Variants in SLC20A2 observed in about 807,000 individuals in gnomAD.
The protein encoded by SLC20A2 is solute carrier family 20 member 2.
SLC20A2 carries 30 observed loss-of-function variants against 61.0 expected under a neutral mutation model. The ratio of observed to expected loss-of-function variants is 0.49; its 90% CI spans 0.37 to 0.67. The LOEUF is 0.67. SLC20A2 is among the 30% of genes least tolerant of loss of function. SLC20A2 has a pLI of 0.00. For missense variants in SLC20A2, 626 were observed against 866.4 expected, an observed-to-expected ratio of 0.72 and a Z score of 3.48; for synonymous variants, 351 against 353.3, an observed-to-expected ratio of 0.99 and a Z score of 0.07.
chr8:42,421,911 G>A (rs953231966), intron 10 of SLC20A2, among the ~76,000 whole-genome samples: 1 of 151,590 alleles, frequency 6.6e-6, no homozygotes, highest in Non-Finnish European at 1.5e-5. Context: ...TACTGAAGCT[G>A]CCTATATACC....
intron 1 of SLC20A2, among the ~76,000 whole-genome samples, chr8:42,489,103 C>A (rs915567067): frequency 2.0e-5 from 3 of 151,970 alleles, no homozygotes; most frequent in African/African-American, 7.3e-5. Context: ...CCACGCCCAG[C>A]TAATTTTGTA....
intron 1 of SLC20A2, among the ~76,000 whole-genome samples, chr8:42,508,978 G>A (rs577386869): frequency 6.6e-6 from 1 of 152,228 alleles, no homozygotes; most frequent in East Asian, 1.9e-4. Context: ...TAGTTGTCTT[G>A]GGCAATTACT....
chr8:42,473,781 A>T (rs1807840873), intron 1 of SLC20A2, among the ~76,000 whole-genome samples: 1 of 152,202 alleles, frequency 6.6e-6, no homozygotes, highest in African/African-American at 2.4e-5. Context: ...ACCACACCAT[A>T]TACAATATAA....
chr8:42,516,406 G>A (rs1811323987), intron 1 of SLC20A2, among the ~76,000 whole-genome samples: 1 of 152,176 alleles, frequency 6.6e-6, no homozygotes, highest in African/African-American at 2.4e-5. Context: ...AAGAACTTCT[G>A]AAGTCCTGTT....
chr8:42,512,014 G>C (rs1405845199), intron 1 of SLC20A2, among the ~76,000 whole-genome samples: 3 of 152,102 alleles, frequency 2.0e-5, no homozygotes, highest in Non-Finnish European at 4.4e-5. Flanking sequence ...TAATACAGGG[G>C]GATGGTTCGC....
chr8:42,540,640 T>G (rs1303592153), intron 1 of SLC20A2, among the ~76,000 whole-genome samples: 1 of 152,232 alleles, frequency 6.6e-6, no homozygotes, highest in African/African-American at 2.4e-5. Flanking sequence ...GAAAACTTGT[T>G]AAGAAGTGTT....
intron 1 of SLC20A2, among the ~76,000 whole-genome samples, chr8:42,516,504 C>G (rs1811330588): frequency 6.6e-6 from 1 of 152,182 alleles, no homozygotes. Context: ...GGCAGCGCAT[C>G]CTATTGCTGG....
At position 42,486,140 on chromosome 8, in the gene SLC20A2, C is replaced by CTGTGTG. The variant is rs59925363; in HGVS notation, c.-264-13492_-264-13487dup. ...AATTATCTTTAGCAGAGCTCTCTCA[C>CTGTGTG]TGTGTGTGTGTGTGTGTGTGTGTGT... On this transcript the variant is annotated intron_variant, in intron 1 of 10. Transcript: ENST00000520262. Among the ~76,000 whole-genome samples, 575 of 149,028 alleles carry CTGTGTG rather than the reference C, an allele frequency of 3.9e-3. 3 individuals carry two copies. The highest frequency in any genetic ancestry group is 3.2e-3 in the African/African-American group (131 of 40,950).
At chr8:42,484,158 G>T (rs139079436) in intron 1 of SLC20A2, among the ~76,000 whole-genome samples, 86 of 152,324 alleles carry the variant, frequency 5.6e-4, no homozygotes, top group Non-Finnish European at 1.1e-3. Flanking sequence ...GAGGACAAAT[G>T]ATTATTAAGT....
At chr8:42,520,478 G>A (rs972210396) in intron 1 of SLC20A2, among the ~76,000 whole-genome samples, 2 of 60,530 alleles carry the variant, frequency 3.3e-5, no homozygotes, top group African/African-American at 6.7e-5. Flanking sequence ...TGTAATCCCA[G>A]CACTTTGGGA....
At chr8:42,438,708 TTTTTC>T (rs372842962) in intron 7 of SLC20A2, among the ~76,000 whole-genome samples, 88 of 151,662 alleles carry the variant, frequency 5.8e-4, no homozygotes, top group East Asian at 1.6e-3. Flanking sequence ...TGGTCTGGAT[TTTTTC>T]TTTTCTTTTC....
intron 1 of SLC20A2, among the ~76,000 whole-genome samples, chr8:42,532,796 C>T (rs557669439): frequency 9.9e-4 from 150 of 152,156 alleles, no homozygotes; most frequent in African/African-American, 3.1e-3. Context: ...CAGGACTGAC[C>T]GGGCTGAGTG....
chr8:42,535,819 G>A (rs1044118253), intron 1 of SLC20A2, among the ~76,000 whole-genome samples: 12 of 152,166 alleles, frequency 7.9e-5, no homozygotes, highest in African/African-American at 2.4e-4. Flanking sequence ...CCAAATTTGC[G>A]TCTCAGGAGT....
In SLC20A2 at chr8:42,455,257, TAGAGAG is replaced by T. The variant is rs71548583; in HGVS notation, c.613+4633_613+4638del. ...AAAAAAAAAAATATATATATATATA[TAGAGAG>T]AGAGAGAGAGAGAGAGAGAGAGAGA... On this transcript the variant is annotated intron_variant, in intron 5 of 10. Transcript: ENST00000520262. Among the ~76,000 whole-genome samples the T allele has an allele frequency of 4.4e-3, 362 of 81,570 alleles. 2 individuals are homozygous for T. The highest frequency in any genetic ancestry group is 6.5e-3 in the Admixed American group (34 of 5,224). The allele number at this position is 81,570 out of a possible 152,430, so 53.5% of individuals were successfully genotyped here. A position where few individuals can be genotyped will look rare whatever the true frequency, so the allele number is the denominator to read the frequency against.
chr8:42,514,693 G>A (rs1811222838), intron 1 of SLC20A2, among the ~76,000 whole-genome samples: 3 of 151,742 alleles, frequency 2.0e-5, no homozygotes, highest in African/African-American at 2.4e-5. Context: ...AGGAGGTAGA[G>A]GTTGCAGTGA....
At position 42,472,450 on chromosome 8, in the gene SLC20A2, T is replaced by G. The variant is rs1807718771; in HGVS notation, c.-60A>C. The G allele has an allele frequency of 6.6e-7, 1 of 1,521,888 alleles. No individual in the cohort carries two copies. The highest frequency in any genetic ancestry group is 1.4e-5 in the African/African-American group (1 of 72,262). 94.3% of individuals were successfully genotyped at this position (1,521,888 alleles called of 1,614,324 possible). ...AGGAATATTTTAAATAAACAAAGCT[T>G]GAGGTTATAAACTTCGTAAGGCCAA... On this transcript the variant is annotated 5_prime_UTR_variant, in exon 2 of 11. Coordinates refer to ENST00000520262, the MANE Select transcript of SLC20A2 (RefSeq NM_001257180.2). The surrounding 1 kb of genome is among the most constrained non-coding windows in gnomAD (Gnocchi z 4.1).
chr8:42,468,259 A>G (rs936880889), intron 2 of SLC20A2, among the ~76,000 whole-genome samples: 8 of 152,302 alleles, frequency 5.3e-5, no homozygotes, highest in Non-Finnish European at 1.2e-4. Context: ...AACCCACCCA[A>G]TTGAATTCAG....
intron 1 of SLC20A2, among the ~76,000 whole-genome samples, chr8:42,479,755 G>A (rs1223255897): frequency 1.3e-5 from 2 of 152,108 alleles, no homozygotes; most frequent in African/African-American, 4.8e-5. Context: ...AACCTGGGAG[G>A]CAGAGGTTGC....
rs191015099 is a variant in SLC20A2, at chr8:42,532,810, C to T, written c.-265+9011G>A. Among the ~76,000 whole-genome samples the T allele has an allele frequency of 3.9e-5, 6 of 152,210 alleles. No individual in the cohort carries two copies. The East Asian group carries it at 7.7e-4, about 20-fold the overall frequency. On this transcript the variant is annotated intron_variant, in intron 1 of 10. Transcript: ENST00000342228. ...GCAGGACTGACCGGGCTGAGTGGAA[C>T]GTAAGTGGACCACAGGCGAGGGTGA...
Sources: gnomAD v4.1 joint callset for allele counts (sites outside exome capture counted in the v4.1 genomes callset) on GRCh38, gnomAD v4.1.1 for gene constraint, Gnocchi (gnomAD v3.1) non-coding constraint, MANE v1.5 for transcripts, NCBI Gene and HGNC (gene_info 2026-07-23, HGNC 2026-07-21) for gene names.